Variants in PAQR7 observed in about 807,000 individuals in gnomAD.
The protein encoded by PAQR7 is membrane progestin receptor alpha.
Under a neutral mutation model 24.6 loss-of-function variants are expected in PAQR7, and 14 were observed. That is an observed-to-expected ratio of 0.57 (90% CI 0.38 to 0.89). PAQR7 has a LOEUF of 0.89. Ranked by LOEUF, PAQR7 falls within the 40% of genes least tolerant of loss-of-function variation. PAQR7 has a pLI of 0.00. For synonymous variants in PAQR7, 189 were observed against 198.8 expected (o/e 0.95, Z 0.42); for missense variants, 351 against 444.0 (o/e 0.79, Z 1.88).
intron 2 of PAQR7, among the ~76,000 whole-genome samples, chr1:25,864,887 T>C: frequency 6.6e-6 from 1 of 151,950 alleles, no homozygotes; most frequent in African/African-American, 2.4e-5. Flanking sequence ...CCAGGTGCGG[T>C]GGCTCACATC....
intron 2 of PAQR7, among the ~76,000 whole-genome samples, chr1:25,867,861 A>C (rs1018359735): frequency 6.6e-6 from 1 of 152,272 alleles, no homozygotes; most frequent in African/African-American, 2.4e-5. Flanking sequence ...GTGGGGAAGC[A>C]GGAGTCGTTA....
In PAQR7 at chr1:25,863,506, G is replaced by C. The variant is rs2048529767; in HGVS notation, c.334C>G (p.Leu112Val). Residue 112 changes from leucine (L) to valine (V), a missense_variant, in exon 3 of 3, where the codon CTT (leucine) becomes GTT (valine). Coordinates refer to ENST00000675840, the MANE Select transcript of PAQR7 (RefSeq NM_178422.6). The surrounding 1 kb of genome is among the most constrained non-coding windows in gnomAD (Gnocchi z 6.1). ...AAGGAGAGGTAGGTGAAAGAGGCAA[G>C]GACAATGATGAAGAGGGGCAGGGCG... ...PHALPLFIIV[L>V]ASFTYLSFSA... The C allele has an allele frequency of 6.2e-7, 1 of 1,614,196 alleles. No individual in the cohort carries two copies.
intron 2 of PAQR7, among the ~76,000 whole-genome samples, chr1:25,864,204 A>G (rs1286549884): frequency 1.3e-5 from 2 of 152,166 alleles, no homozygotes; most frequent in Non-Finnish European, 2.9e-5. Context: ...CTCCTAAAGA[A>G]CAGATCTGGC....
intron 1 of PAQR7, chr1:25,871,115 GT>G (rs2048602460): frequency 1.3e-5 from 2 of 152,176 alleles, no homozygotes; most frequent in Non-Finnish European, 2.9e-5. Flanking sequence ...AGTTCACTGT[GT>G]GCTTAAACAT....
rs755659850 is a variant in PAQR7 at position 25,863,618 on chromosome 1, A to G, written c.222T>C (p.Asn74=). 43 of 1,614,076 alleles carry G rather than the reference A, an allele frequency of 2.7e-5. No homozygotes were observed. Among genetic ancestry groups the G allele is most frequent in the African/African-American group, 4.0e-5 (3 of 74,946 alleles). The change falls in exon 3 of 3, where the codon AAT becomes AAC. Residue 74 remains asparagine, a synonymous_variant. Transcript: ENST00000675840. The surrounding 1 kb of genome is among the most constrained non-coding windows in gnomAD (Gnocchi z 6.1). ...GGGCCGCCAGCAGGTGGGTCCAGACATTCACGGCCTCGTTGTGCTGCTGGA... is the reference window on the plus strand; with the variant it reads ...GGGCCGCCAGCAGGTGGGTCCAGACGTTCACGGCCTCGTTGTGCTGCTGGA... ...TLFQQHNEAV[N]VWTHLLAALV... is the part of the protein sequence containing the mutation.
chr1:25,865,316 T>G (rs536094963), intron 2 of PAQR7, among the ~76,000 whole-genome samples: 1 of 152,320 alleles, frequency 6.6e-6, no homozygotes, highest in Non-Finnish European at 1.5e-5. Context: ...GGGAGGCAGT[T>G]TGTCTCATTA....
chr1:25,862,762 C>T lies in PAQR7; in HGVS notation c.*37G>A, dbSNP rs755385918. The T allele has an allele frequency of 1.3e-6, 2 of 1,579,620 alleles. No individual in the cohort carries two copies. Among genetic ancestry groups the T allele is most frequent in the South Asian group, 2.3e-5 (2 of 86,470 alleles). The stretch of plus-strand genomic sequence containing the variant: ...GAGCCAAACCCAGACCCCTGTCCCC[C>T]AACTATACCTCCCTCCCTACCAGAT... On this transcript the variant is annotated 3_prime_UTR_variant, in exon 3 of 3. Transcript: ENST00000675840.
At chr1:25,866,421 T>C (rs915697904) in intron 2 of PAQR7, among the ~76,000 whole-genome samples, 16 of 152,166 alleles carry the variant, frequency 1.1e-4, no homozygotes, top group African/African-American at 3.4e-4. Context: ...AACAAACACT[T>C]ACTGAGCCCT....
In PAQR7 at chr1:25,863,999, C is replaced by T. The variant is rs1221782978; in HGVS notation, c.-22-138G>A. 1 of 658,716 alleles carries T rather than the reference C, an allele frequency of 1.5e-6. No individual in the cohort carries two copies. Among genetic ancestry groups the T allele is most frequent in the Admixed American group, 3.0e-5 (1 of 33,788 alleles). 40.8% of individuals were successfully genotyped at this position (658,716 alleles called of 1,614,324 possible). On this transcript the variant is annotated intron_variant, in intron 2 of 2. Coordinates refer to ENST00000675840, the MANE Select transcript of PAQR7 (RefSeq NM_178422.6). This position sits in a 1 kb window ranked among gnomAD's most constrained non-coding sequence, Gnocchi z 6.1. Reference sequence around the variant, plus strand: ...TTACACTCGGTTTAAGAACAGAAGACTCATCCTATGGAATTCCTCATCTCT... The same window carrying T: ...TTACACTCGGTTTAAGAACAGAAGATTCATCCTATGGAATTCCTCATCTCT...
intron 1 of PAQR7, among the ~76,000 whole-genome samples, chr1:25,873,782 G>A (rs1401895438): frequency 6.6e-6 from 1 of 152,130 alleles, no homozygotes; most frequent in Non-Finnish European, 1.5e-5. Context: ...TGTTGCCCAG[G>A]CTGGTCTTGA....
chr1:25,863,557 T>C lies in PAQR7; in HGVS notation c.283A>G (p.Thr95Ala), dbSNP rs760768524. ...TGTGGGTCTCCCCAGAAGTCCACGG[T>C]CTCCACAAAGAGGGCCAGCCGCAGC... is the stretch of plus-strand genomic sequence containing the variant. ...LLLRLALFVE[T>A]VDFWGDPHAL... Residue 95 changes from threonine to alanine, a missense_variant, in exon 3 of 3, where the codon ACC becomes GCC. By Grantham distance (58) the Thr-to-Ala change is moderately conservative. Transcript: ENST00000675840. The surrounding 1 kb of genome is among the most constrained non-coding windows in gnomAD (Gnocchi z 6.1). 8.1e-6 allele frequency: 13 copies of C among 1,613,822 alleles called. No homozygotes were observed. Among genetic ancestry groups the C allele is most frequent in the Non-Finnish European group, 1.1e-5 (13 of 1,179,990 alleles).
At position 25,862,561 on chromosome 1, in the gene PAQR7, ACT is replaced by A. The variant is rs1212666425; in HGVS notation, c.*236_*237del. The stretch of plus-strand genomic sequence containing the variant: ...CAAGCTGGAGTGGCCCACACCGTTA[ACT>A]CTTTCCCTCTCCCTGGGCAAGGAGC... On this transcript the variant is annotated 3_prime_UTR_variant, in exon 3 of 3. Transcript: ENST00000675840. 1 of 529,392 alleles carries A rather than the reference ACT, an allele frequency of 1.9e-6. No individual in the cohort carries two copies. The highest frequency in any genetic ancestry group is 3.4e-6 in the Non-Finnish European group (1 of 298,320). 32.8% of individuals were successfully genotyped at this position (529,392 alleles called of 1,614,324 possible). A position where few individuals can be genotyped will look rare whatever the true frequency, so the allele number is the denominator to read the frequency against.
At position 25,863,914 on chromosome 1, in the gene PAQR7, G is replaced by A. The variant is rs2124527250; in HGVS notation, c.-22-53C>T. 5 of 1,405,940 alleles carry A rather than the reference G, an allele frequency of 3.6e-6. No homozygotes were observed. Among genetic ancestry groups the A allele is most frequent in the Middle Eastern group, 2.1e-4 (1 of 4,756 alleles). 87.1% of individuals were successfully genotyped at this position (1,405,940 alleles called of 1,614,324 possible). Reference sequence around the variant, plus strand: ...GGGCCTGGTGTCCTCACCCCCACGAGCAGCAGCTGGGGGGCTCTGATGCCC... The same window carrying A: ...GGGCCTGGTGTCCTCACCCCCACGAACAGCAGCTGGGGGGCTCTGATGCCC... On this transcript the variant is annotated intron_variant, in intron 2 of 2. Transcript: ENST00000675840. The surrounding 1 kb of genome is among the most constrained non-coding windows in gnomAD (Gnocchi z 6.1).
rs1333838451 is a variant in PAQR7, at chr1:25,862,901, G to A, written c.939C>T (p.His313=). 1.2e-6 allele frequency: 2 copies of A among 1,614,072 alleles called. No homozygotes were observed. Among genetic ancestry groups the A allele is most frequent in the Non-Finnish European group, 1.7e-6 (2 of 1,180,028 alleles). ...TGAGCAGGAAGAGGCCAGAAAAGTT[G>A]TGAGGCCAGTGCGTGTGCAGAGGCT... is the stretch of plus-strand genomic sequence containing the variant. The part of the protein sequence containing the change: ...IYEPLHTHWP[H]NFSGLFLLTV... Residue 313 remains histidine, a synonymous_variant, in exon 3 of 3, where the codon CAC becomes CAT. Coordinates refer to ENST00000675840, the MANE Select transcript of PAQR7 (RefSeq NM_178422.6).
chr1:25,869,630 T>C (rs1400162201), intron 2 of PAQR7, among the ~76,000 whole-genome samples: 1 of 149,766 alleles, frequency 6.7e-6, no homozygotes, highest in African/African-American at 2.5e-5. Flanking sequence ...GGTTGGAGGA[T>C]GGGGGAGGGA....
chr1:25,863,120 G>A lies in PAQR7; in HGVS notation c.720C>T (p.Tyr240=). 6.2e-7 allele frequency: 1 copy of A among 1,614,164 alleles called. No homozygotes were observed. Among genetic ancestry groups the A allele is most frequent in the Non-Finnish European group, 8.5e-7 (1 of 1,180,052 alleles). Residue 240 remains tyrosine, a synonymous_variant, in exon 3 of 3, where the codon TAC becomes TAT. Transcript: ENST00000675840. This position sits in a 1 kb window ranked among gnomAD's most constrained non-coding sequence, Gnocchi z 6.1. ...GAAAGAAGACCACCTGGCACTTGTG[G>A]TAGAGAAGAGCTGGATCATCCGTGG... ...DPTTDDPALL[Y]HKCQVVFFLL...
In PAQR7 at chr1:25,862,388, C is replaced by T. The variant is rs753885980; in HGVS notation, c.*411G>A. The T allele has an allele frequency of 1.1e-4, 21 of 188,740 alleles. No homozygotes were observed. Among genetic ancestry groups the T allele is most frequent in the Non-Finnish European group, 2.0e-4 (18 of 91,290 alleles). The allele number at this position is 188,740 out of a possible 1,614,324, so 11.7% of individuals were successfully genotyped here. On this transcript the variant is annotated 3_prime_UTR_variant, in exon 3 of 3. Coordinates refer to ENST00000675840, the MANE Select transcript of PAQR7 (RefSeq NM_178422.6). The stretch of plus-strand genomic sequence containing the variant: ...CCCCTTCCGCATCCAGCAATGAAAT[C>T]TGAGTAGAAGTAGGTTGCCAAGGCC...
chr1:25,865,229 C>T (rs936944712), intron 2 of PAQR7, among the ~76,000 whole-genome samples: 6 of 151,992 alleles, frequency 3.9e-5, no homozygotes, highest in Non-Finnish European at 8.8e-5. Flanking sequence ...GATGACCCCT[C>T]CACTTGAGTG....
chr1:25,871,208 A>G (rs1218668459), intron 1 of PAQR7: 1 of 152,166 alleles, frequency 6.6e-6, no homozygotes, highest in Non-Finnish European at 1.5e-5. Context: ...CTTAATCATT[A>G]AATTGTTCTT....
Sources: gnomAD v4.1 joint callset for allele counts (sites outside exome capture counted in the v4.1 genomes callset) on GRCh38, gnomAD v4.1.1 for gene constraint, Gnocchi (gnomAD v3.1) non-coding constraint, MANE v1.5 for transcripts, NCBI Gene and HGNC (gene_info 2026-07-23, HGNC 2026-07-21) for gene names.